Variants in SYMPK observed in about 807,000 individuals in gnomAD.
The protein encoded by SYMPK is symplekin scaffold protein, also known as symplekin.
SYMPK carries 49 observed loss-of-function variants against 136.4 expected under a neutral mutation model. The ratio of observed to expected loss-of-function variants is 0.36; its 90% CI spans 0.29 to 0.46. The LOEUF (loss-of-function observed/expected upper bound fraction) is 0.46, where lower values mean the gene tolerates loss of function less well. Ranked by LOEUF, SYMPK falls within the 20% of genes least tolerant of loss-of-function variation. SYMPK has a pLI of 1.00. For missense variants in SYMPK, 1,365 were observed against 1,690.0 expected (o/e 0.81, Z 3.37); for synonymous variants, 766 against 713.0 (o/e 1.07, Z -1.19).
intron 14 of SYMPK, 176 bp downstream of exon 14, chr19:45,828,794 A>T: frequency 1.6e-6 from 1 of 633,606 alleles, no homozygotes; most frequent in South Asian, 2.0e-5. Context: ...CCACATGCAA[A>T]ACTACAACCT....
At position 45,816,924 on chromosome 19, in the gene SYMPK, G is replaced by A. The variant is rs1317819200; in HGVS notation, c.3132C>T (p.Arg1044=). Residue 1044 remains arginine, a synonymous_variant, in exon 24 of 27, where the codon CGC becomes CGT. Transcript: ENST00000245934. ...VWEGFIKCCQ[R]TKPQSFQVIL... The stretch of plus-strand genomic sequence containing the variant: ...TGACCTGGAAGCTCTGGGGCTTTGT[G>A]CGCTGGCAGCACTTGATGAAGCCCT... 1.9e-6 allele frequency: 3 copies of A among 1,558,862 alleles called. No individual in the cohort carries two copies. Among genetic ancestry groups the A allele is most frequent in the South Asian group, 1.2e-5 (1 of 84,656 alleles).
At chr19:45,848,931 G>A in intron 5 of SYMPK, 55 bp from the exon 6 acceptor site, 1 of 1,606,220 alleles carries the variant, frequency 6.2e-7, no homozygotes. Flanking sequence ...GAGCAAGTAG[G>A]AGGAGCCTGA....
At position 45,825,254 on chromosome 19, in the gene SYMPK, T is replaced by C; in HGVS notation, c.2407A>G (p.Lys803Glu). The C allele has an allele frequency of 6.2e-7, 1 of 1,614,162 alleles. No individual in the cohort carries two copies. The highest frequency in any genetic ancestry group is 8.5e-7 in the Non-Finnish European group (1 of 1,180,018). The change falls in exon 18 of 27, where the codon AAG becomes GAG. Residue 803 changes from lysine (K) to glutamate (E), a missense_variant. Coordinates refer to ENST00000245934, the MANE Select transcript of SYMPK (RefSeq NM_004819.3). ...LYLALLPQNH[K>E]LIHELAAVYT... ...ACGGCCGCCAGTTCGTGGATCAGCT[T>C]GTGGTTCTGAGGCAGGAGGGCCAGG...
chr19:45,858,085 C>A (rs896266469), intron 1 of SYMPK, among the ~76,000 whole-genome samples: 4 of 152,154 alleles, frequency 2.6e-5, no homozygotes, highest in Non-Finnish European at 4.4e-5. Flanking sequence ...AGGTGTGAGC[C>A]ACAGCGCCCA....
intron 11 of SYMPK, 67 bp downstream of exon 11, chr19:45,835,011 C>T (rs951702468): frequency 1.4e-5 from 20 of 1,399,298 alleles, no homozygotes; most frequent in Non-Finnish European, 1.9e-5. Flanking sequence ...GTTGCTCTTC[C>T]AGTAAGGAGA....
rs762965303 is a variant in SYMPK at position 45,826,369 on chromosome 19, C to T, written c.2186G>A (p.Arg729His). ...DLSSHEKDKV[R>H]SQALLFIKRM... ...TTTGATGAACAGCAGGGCCTGGGAG[C>T]GCACCTGAGGAGGAAGATGGAGAAG... Residue 729 changes from arginine (R) to histidine (H), a missense_variant, in exon 17 of 27, where the codon CGC becomes CAC. Around this residue, in one of 11 missense-constraint regions of SYMPK, gnomAD observed 303 missense variants for 326.6 expected, o/e 0.93. Transcript: ENST00000245934. The T allele has an allele frequency of 1.1e-5, 17 of 1,613,908 alleles. No homozygotes were observed. The Middle Eastern group carries it at 4.9e-4, about 47-fold the overall frequency.
chr19:45,847,735 C>A lies in SYMPK; in HGVS notation c.676+17G>T, dbSNP rs1278004009. On this transcript the variant is annotated intron_variant, in intron 7 of 26. Transcript: ENST00000245934. ...GGTGCAGGGCTGTCAGGGGTGGCAG[C>A]TGAAGGCAGTACTCACTGTACTGGA... 1 of 1,597,662 alleles carries A rather than the reference C, an allele frequency of 6.3e-7. No homozygotes were observed. Among genetic ancestry groups the A allele is most frequent in the East Asian group, 2.3e-5 (1 of 44,382 alleles).
chr19:45,845,932 A>C (rs1971548557), intron 7 of SYMPK, among the ~76,000 whole-genome samples: 1 of 152,198 alleles, frequency 6.6e-6, no homozygotes, highest in Admixed American at 6.5e-5. Context: ...CTTGAACGCC[A>C]CATTATTTAA....
chr19:45,829,554 G>A (rs1971121978), intron 13 of SYMPK, among the ~76,000 whole-genome samples: 1 of 152,076 alleles, frequency 6.6e-6, no homozygotes, highest in South Asian at 2.1e-4. Context: ...GAAGAGTACT[G>A]GATCTGGATT....
In SYMPK at chr19:45,828,739, C is replaced by T. The variant is rs1763366216; in HGVS notation, c.1985+231G>A. The T allele has an allele frequency of 8.7e-6, 5 of 575,574 alleles. No homozygotes were observed. In the South Asian group the frequency reaches 1.1e-4, roughly 12 times the overall value. The allele number at this position is 575,574 out of a possible 1,614,324, so 35.7% of individuals were successfully genotyped here. ...AAAGCCACGCAGAGCAAGCTCAGAG[C>T]AAGTGGCAGAGCTGAGGAACAGCTC... On this transcript the variant is annotated intron_variant, in intron 14 of 26. Transcript: ENST00000245934.
At chr19:45,831,312 C>T (rs917138483) in intron 12 of SYMPK, 72 bp downstream of exon 12, 10 of 1,303,822 alleles carry the variant, frequency 7.7e-6, no homozygotes, top group African/African-American at 1.5e-5. Context: ...CACACGCACA[C>T]GCACACGAGC....
Position 45,825,343 on chromosome 19 carries a change from G to A in SYMPK, c.2330-12C>T, listed in dbSNP as rs1233455542. On this transcript the variant is annotated splice_polypyrimidine_tract_variant and intron_variant, in intron 17 of 26. Transcript: ENST00000245934. ...GGGTGCTGCCACCTCTGACAGGGCAGGAGCGGGCATCAGATTGGCCCACAC... is the reference window on the plus strand; with the variant it reads ...GGGTGCTGCCACCTCTGACAGGGCAAGAGCGGGCATCAGATTGGCCCACAC... The A allele has an allele frequency of 6.2e-7, 1 of 1,611,996 alleles. No individual in the cohort carries two copies. The highest frequency in any genetic ancestry group is 1.7e-5 in the Admixed American group (1 of 59,802).
At position 45,816,348 on chromosome 19, in the gene SYMPK, TG is replaced by T. The variant is rs998466690; in HGVS notation, c.3354+133del. 4.8e-5 allele frequency: 63 copies of T among 1,302,024 alleles called. No individual in the cohort carries two copies. The African/African-American group carries it at 9.0e-4, about 19-fold the overall frequency. 80.7% of individuals were successfully genotyped at this position (1,302,024 alleles called of 1,614,324 possible). On this transcript the variant is annotated intron_variant, in intron 25 of 26. Coordinates refer to ENST00000245934, the MANE Select transcript of SYMPK (RefSeq NM_004819.3). ...CCCAACTCCCAGCAGGAGCATCCCC[TG>T]GGAGACGGGTGGCCCAGAGGCAGGG...
At position 45,832,517 on chromosome 19, in the gene SYMPK, T is replaced by C. The variant is rs573606780; in HGVS notation, c.1394-929A>G. 8.5e-5 allele frequency among the ~76,000 whole-genome samples: 13 copies of C among 152,260 alleles called. No homozygotes were observed. In the East Asian group the frequency reaches 1.5e-3, roughly 18 times the overall value. ...CTCCTTGGTATATGCTCAAGACAGA[T>C]GACAGCATGTGTACATGAAGAGAGT... On this transcript the variant is annotated intron_variant, in intron 11 of 26. Coordinates refer to ENST00000245934, the MANE Select transcript of SYMPK (RefSeq NM_004819.3).
At chr19:45,859,953 T>TCAAAAAAA (rs1491508236) in intron 1 of SYMPK, among the ~76,000 whole-genome samples, 1 of 85,652 alleles carries the variant, frequency 1.2e-5, no homozygotes. Flanking sequence ...AGACTCCATC[T>TCAAAAAAA]AAAAAAAAAA....
intron 5 of SYMPK, among the ~76,000 whole-genome samples, chr19:45,851,007 A>C (rs1324594304): frequency 6.6e-6 from 1 of 151,972 alleles, no homozygotes; most frequent in East Asian, 1.9e-4. Context: ...TGCGAAATCC[A>C]ACTGTGACTT....
intron 18 of SYMPK, among the ~76,000 whole-genome samples, chr19:45,824,853 C>A (rs2146306730): frequency 1.3e-5 from 2 of 152,336 alleles, no homozygotes; most frequent in African/African-American, 4.8e-5. Context: ...TGCCTGAGTT[C>A]ATGGACTCCT....
chr19:45,838,724 G>C, intron 9 of SYMPK, 109 bp from the exon 10 acceptor site: 1 of 1,240,994 alleles, frequency 8.1e-7, no homozygotes, highest in South Asian at 1.5e-5. Context: ...CAGCAAACAG[G>C]AGCAAACAGC....
At chr19:45,848,398 CATTA>C (rs1971618052) in intron 6 of SYMPK, among the ~76,000 whole-genome samples, 1 of 152,214 alleles carries the variant, frequency 6.6e-6, no homozygotes, top group Non-Finnish European at 1.5e-5. Flanking sequence ...TTATGTGATT[CATTA>C]ATTAAGGTCT....
Sources: gnomAD v4.1 joint callset for allele counts (sites outside exome capture counted in the v4.1 genomes callset) on GRCh38, gnomAD v4.1.1 for gene constraint, gnomAD v4.1.1 regional missense constraint, MANE v1.5 for transcripts, NCBI Gene and HGNC (gene_info 2026-07-23, HGNC 2026-07-21) for gene names.